Variants in CEBPA observed in about 807,000 individuals in gnomAD.
CEBPA encodes CCAAT/enhancer-binding protein alpha.
A neutral mutation model predicts 5.1 loss-of-function variants in CEBPA; 2 were observed. That is an observed-to-expected ratio of 0.39 (90% confidence interval 0.16 to 1.23). CEBPA has a LOEUF of 1.23. Among genes scored for constraint, CEBPA ranks in the 50% most tolerant of loss-of-function variants. The pLI is 0.34. For missense variants in CEBPA, 455 were observed against 537.4 expected (o/e 0.85, Z 1.52); for synonymous variants, 275 against 264.1 (o/e 1.04, Z -0.40).
chr19:33,300,846 C>G lies in CEBPA; in HGVS notation c.*492G>C, dbSNP rs1387154756. On this transcript the variant is annotated 3_prime_UTR_variant, in exon 1 of 1. Coordinates refer to ENST00000498907, the MANE Select transcript of CEBPA (RefSeq NM_004364.5). ...GTTTCCACCCCTTTCTAAGGACAGG[C>G]GTGGAGGAGCGGCTGGGGCTGGCGG... is the stretch of plus-strand genomic sequence containing the variant. The G allele has an allele frequency of 7.9e-6, 2 of 253,866 alleles. No homozygotes were observed. Among genetic ancestry groups the G allele is most frequent in the African/African-American group, 4.4e-5 (2 of 45,878 alleles). The allele number at this position is 253,866 out of a possible 1,614,324, so 15.7% of individuals were successfully genotyped here.
Position 33,300,598 on chromosome 19 carries a change from C to A in CEBPA, c.*740G>T, listed in dbSNP as rs550273098. The A allele has an allele frequency of 3.5e-4, 81 of 233,702 alleles. No homozygotes were observed. Among genetic ancestry groups the A allele is most frequent in the African/African-American group, 1.7e-3 (76 of 45,470 alleles). 14.5% of individuals were successfully genotyped at this position (233,702 alleles called of 1,614,324 possible). On this transcript the variant is annotated 3_prime_UTR_variant, in exon 1 of 1. Transcript: ENST00000498907. ...CCACCAGGGGTATACATCCTCAGAG[C>A]TGACCCACGACCTAGCTTTCTGGTG...
At position 33,302,435 on chromosome 19, in the gene CEBPA, G is replaced by A. The variant is rs1471099163; in HGVS notation, c.-21C>T. 1.6e-6 allele frequency: 2 copies of A among 1,249,024 alleles called. No homozygotes were observed. Among genetic ancestry groups the A allele is most frequent in the Non-Finnish European group, 2.0e-6 (2 of 993,596 alleles). The allele number at this position is 1,249,024 out of a possible 1,614,324, so 77.4% of individuals were successfully genotyped here. A position where few individuals can be genotyped will look rare whatever the true frequency, so the allele number is the denominator to read the frequency against. ...TCCATGGGGGAGTTAGAGTTCTCCC[G>A]GCATGGCGAGCCTCGGCGGCCTCCA... On this transcript the variant is annotated 5_prime_UTR_variant, in exon 1 of 1. Coordinates refer to ENST00000498907, the MANE Select transcript of CEBPA (RefSeq NM_004364.5).
chr19:33,301,203 C>T lies in CEBPA; in HGVS notation c.*135G>A. On this transcript the variant is annotated 3_prime_UTR_variant, in exon 1 of 1. Transcript: ENST00000498907. This position sits in a 1 kb window ranked among gnomAD's most constrained non-coding sequence, Gnocchi z 6.0. ...AAGGGAGGGGACACGCGGAGCAGGCCAGGCTTTCAGGAGGCACCGGAATCT... is the reference window on the plus strand; with the variant it reads ...AAGGGAGGGGACACGCGGAGCAGGCTAGGCTTTCAGGAGGCACCGGAATCT... The T allele has an allele frequency of 2.2e-6, 3 of 1,392,416 alleles. No homozygotes were observed. The highest frequency in any genetic ancestry group is 2.8e-6 in the Non-Finnish European group (3 of 1,055,566). The allele number at this position is 1,392,416 out of a possible 1,614,324, so 86.3% of individuals were successfully genotyped here.
Position 33,302,256 on chromosome 19 carries a change from G to T in CEBPA, c.159C>A (p.Gly53=). The change falls in exon 1 of 1, where the codon GGC becomes GGA. Residue 53 remains glycine (G), a synonymous_variant. Transcript: ENST00000498907. ...PAPPAAPEPL[G]GICEHETSID... Reference sequence around the variant, plus strand: ...TGGACGTCTCGTGCTCGCAGATGCCGCCCAGCGGCTCCGGGGCGGCAGGTG... The same window carrying T: ...TGGACGTCTCGTGCTCGCAGATGCCTCCCAGCGGCTCCGGGGCGGCAGGTG... 3 of 1,487,446 alleles carry T rather than the reference G, an allele frequency of 2.0e-6. 1 individual carries two copies. The allele number at this position is 1,487,446 out of a possible 1,614,324, so 92.1% of individuals were successfully genotyped here.
Position 33,302,268 on chromosome 19 carries a change from CGGGGCGGCAGGT to C in CEBPA, c.135_146del (p.Pro46_Pro49del). On this transcript the variant is annotated inframe_deletion, in exon 1 of 1. Coordinates refer to ENST00000498907, the MANE Select transcript of CEBPA (RefSeq NM_004364.5). The stretch of plus-strand genomic sequence containing the variant: ...GCTCGCAGATGCCGCCCAGCGGCTC[CGGGGCGGCAGGT>C]GGGGCGGGAGGCTGCGCGGGGCCCG... 2.0e-6 allele frequency: 3 copies of C among 1,484,320 alleles called. 1 individual carries two copies. In the South Asian group the frequency reaches 3.9e-5, roughly 19 times the overall value. The allele number at this position is 1,484,320 out of a possible 1,614,324, so 91.9% of individuals were successfully genotyped here. A position where few individuals can be genotyped will look rare whatever the true frequency, so the allele number is the denominator to read the frequency against.
rs2145260264 is a variant in CEBPA, at chr19:33,301,651, C to T, written c.764G>A (p.Gly255Glu). 1 of 1,505,292 alleles carries T rather than the reference C, an allele frequency of 6.6e-7. No individual in the cohort carries two copies. Among genetic ancestry groups the T allele is most frequent in the East Asian group, 2.7e-5 (1 of 37,486 alleles). The allele number at this position is 1,505,292 out of a possible 1,614,324, so 93.2% of individuals were successfully genotyped here. A position where few individuals can be genotyped will look rare whatever the true frequency, so the allele number is the denominator to read the frequency against. Reference sequence around the variant, plus strand: ...GAGGTCGGGGTGCGCGGCGCCCAGCCCCTTGAGCGCGCTGCCAGGGCCCGG... The same window carrying T: ...GAGGTCGGGGTGCGCGGCGCCCAGCTCCTTGAGCGCGCTGCCAGGGCCCGG... Reference protein sequence around the residue: ...GLPGPGSALKGLGAAHPDLRA... With the variant: ...GLPGPGSALKELGAAHPDLRA... Residue 255 changes from glycine to glutamate, a missense_variant, in exon 1 of 1, where the codon GGG becomes GAG. Gly to Glu is a moderately conservative substitution (Grantham distance 98, BLOSUM62 -2). This residue lies in a region of CEBPA where 118 missense variants were observed against 189.3 expected (regional missense o/e 0.62). Coordinates refer to ENST00000498907, the MANE Select transcript of CEBPA (RefSeq NM_004364.5). This position sits in a 1 kb window ranked among gnomAD's most constrained non-coding sequence, Gnocchi z 6.0.
At position 33,302,090 on chromosome 19, in the gene CEBPA, G is replaced by A. The variant is rs1027991203; in HGVS notation, c.325C>T (p.Pro109Ser). Reference protein sequence around the residue: ...GGGGGGDFDYPGAPAGPGGAV... With the variant: ...GGGGGGDFDYSGAPAGPGGAV... ...CCGCCGGGGCCCGCGGGCGCGCCCG[G>A]GTAGTCAAAGTCGCCGCCGCCGCCG... is the stretch of plus-strand genomic sequence containing the variant. The change falls in exon 1 of 1, where the codon CCG becomes TCG. Residue 109 changes from proline (P) to serine (S), a missense_variant. Pro to Ser is a moderately conservative substitution (Grantham distance 74). Around this residue, in one of 5 missense-constraint regions of CEBPA, gnomAD observed 15 missense variants for 39.7 expected, o/e 0.38. Coordinates refer to ENST00000498907, the MANE Select transcript of CEBPA (RefSeq NM_004364.5). 5 of 1,310,094 alleles carry A rather than the reference G, an allele frequency of 3.8e-6. No individual in the cohort carries two copies. Among genetic ancestry groups the A allele is most frequent in the East Asian group, 3.2e-5 (1 of 30,836 alleles). 81.2% of individuals were successfully genotyped at this position (1,310,094 alleles called of 1,614,324 possible). A position where few individuals can be genotyped will look rare whatever the true frequency, so the allele number is the denominator to read the frequency against.
rs917977456 is a variant in CEBPA, at chr19:33,302,169, G to T, written c.246C>A (p.Phe82Leu). 3 of 1,477,106 alleles carry T rather than the reference G, an allele frequency of 2.0e-6. No homozygotes were observed. Among genetic ancestry groups the T allele is most frequent in the African/African-American group, 2.9e-5 (2 of 68,296 alleles). The allele number at this position is 1,477,106 out of a possible 1,614,324, so 91.5% of individuals were successfully genotyped here. ...CCTTCTCCTGCTGCCGGCTGTGCTG[G>T]AACAGGTCGGCCAGGAACTCGTCGT... ...AFNDEFLADL[F>L]QHSRQQEKAK... Residue 82 changes from phenylalanine (F) to leucine (L), a missense_variant, in exon 1 of 1, where the codon TTC becomes TTA. Around this residue, in one of 5 missense-constraint regions of CEBPA, gnomAD observed 143 missense variants for 153.9 expected, o/e 0.93. Transcript: ENST00000498907.
chr19:33,301,345 C>A lies in CEBPA; in HGVS notation c.1070G>T (p.Cys357Phe). 1 of 1,597,256 alleles carries A rather than the reference C, an allele frequency of 6.3e-7. No homozygotes were observed. Among genetic ancestry groups the A allele is most frequent in the East Asian group, 2.3e-5 (1 of 44,434 alleles). ...ESSLVKAMGN[C>F]A ...GTCCCACAGCCGCGCGCCTCACGCGCAGTTGCCCATGGCCTTGACCAAGGA... is the reference window on the plus strand; with the variant it reads ...GTCCCACAGCCGCGCGCCTCACGCGAAGTTGCCCATGGCCTTGACCAAGGA... Residue 357 changes from cysteine (C) to phenylalanine (F), a missense_variant, in exon 1 of 1, where the codon TGC becomes TTC. Coordinates refer to ENST00000498907, the MANE Select transcript of CEBPA (RefSeq NM_004364.5). This position sits in a 1 kb window ranked among gnomAD's most constrained non-coding sequence, Gnocchi z 6.0.
Position 33,302,310 on chromosome 19 carries a change from C to A in CEBPA, c.105G>T (p.Arg35=). ...APSSAAFGFP[R]GAGPAQPPAP... is the part of the protein sequence containing the mutation. ...CGGGAGGCTGCGCGGGGCCCGCGCC[C>A]CGGGGAAAGCCGAAGGCGGCGCTGC... The change falls in exon 1 of 1, where the codon CGG becomes CGT. Residue 35 remains arginine, a synonymous_variant. Transcript: ENST00000498907. 1 of 1,434,350 alleles carries A rather than the reference C, an allele frequency of 7.0e-7. No homozygotes were observed. Among genetic ancestry groups the A allele is most frequent in the Non-Finnish European group, 9.2e-7 (1 of 1,089,618 alleles). The allele number at this position is 1,434,350 out of a possible 1,614,324, so 88.9% of individuals were successfully genotyped here.
Position 33,302,508 on chromosome 19 carries a change from G to T in CEBPA, c.-94C>A. On this transcript the variant is annotated 5_prime_UTR_variant, in exon 1 of 1. Transcript: ENST00000498907. ...GCCCACCCGGAGACCCTGCTCGCCC[G>T]CGCCCGCGCACCTCCGGGTCGCGAA... The T allele has an allele frequency of 1.2e-6, 1 of 801,560 alleles. No individual in the cohort carries two copies. The highest frequency in any genetic ancestry group is 1.7e-6 in the Non-Finnish European group (1 of 598,380). 49.7% of individuals were successfully genotyped at this position (801,560 alleles called of 1,614,324 possible).
rs1248693843 is a variant in CEBPA at position 33,301,686 on chromosome 19, G to T, written c.729C>A (p.Ala243=). ...PSPHPAPALG[A]AGLPGPGSAL... is the part of the protein sequence containing the mutation. ...CGCTGCCAGGGCCCGGCAGGCCGGC[G>T]GCACCGAGCGCGGGCGCGGGGTGCG... Residue 243 remains alanine, a synonymous_variant, in exon 1 of 1, where the codon GCC becomes GCA. Transcript: ENST00000498907. The surrounding 1 kb of genome is among the most constrained non-coding windows in gnomAD (Gnocchi z 6.0). 1.7e-6 allele frequency: 2 copies of T among 1,184,686 alleles called. 1 individual carries two copies. Among genetic ancestry groups the T allele is most frequent in the East Asian group, 7.8e-5 (2 of 25,596 alleles). 73.4% of individuals were successfully genotyped at this position (1,184,686 alleles called of 1,614,324 possible). A position where few individuals can be genotyped will look rare whatever the true frequency, so the allele number is the denominator to read the frequency against.
At position 33,300,427 on chromosome 19, in the gene CEBPA, A is replaced by AT. The variant is rs1225577002; in HGVS notation, c.*910dup. On this transcript the variant is annotated 3_prime_UTR_variant, in exon 1 of 1. Transcript: ENST00000498907. ...AAGCAAAATATTTGGAAAGCTTGTC[A>AT]TAACTCCGGTCCCTCTGGGATGGAC... 1 of 233,686 alleles carries AT rather than the reference A, an allele frequency of 4.3e-6. No individual in the cohort carries two copies. Among genetic ancestry groups the AT allele is most frequent in the African/African-American group, 2.2e-5 (1 of 45,340 alleles). 14.5% of individuals were successfully genotyped at this position (233,686 alleles called of 1,614,324 possible).
In CEBPA at chr19:33,300,743, G is replaced by A. The variant is rs2376497; in HGVS notation, c.*595C>T. The A allele has an allele frequency of 4.3e-6, 1 of 234,194 alleles. No individual in the cohort carries two copies. The highest frequency in any genetic ancestry group is 8.4e-6 in the Non-Finnish European group (1 of 118,594). 14.5% of individuals were successfully genotyped at this position (234,194 alleles called of 1,614,324 possible). ...GGGGTGTGTGCGGAGGGAGGTGGGA[G>A]AGGCGTGGAACTAGAGACCCTCCAC... On this transcript the variant is annotated 3_prime_UTR_variant, in exon 1 of 1. Transcript: ENST00000498907.
rs1412970764 is a variant in CEBPA, at chr19:33,299,985, G to A, written c.*1353C>T. 1 of 233,202 alleles carries A rather than the reference G, an allele frequency of 4.3e-6. No individual in the cohort carries two copies. The highest frequency in any genetic ancestry group is 8.5e-6 in the Non-Finnish European group (1 of 118,022). 14.4% of individuals were successfully genotyped at this position (233,202 alleles called of 1,614,324 possible). A position where few individuals can be genotyped will look rare whatever the true frequency, so the allele number is the denominator to read the frequency against. On this transcript the variant is annotated 3_prime_UTR_variant, in exon 1 of 1. Transcript: ENST00000498907. ...ATATAATACATAAAACATCTAGAGT[G>A]AGACTCTACGTTCTCCCCAAAAGAA...
chr19:33,301,964 C>T lies in CEBPA; in HGVS notation c.451G>A (p.Gly151Arg), dbSNP rs986682061. Reference sequence around the variant, plus strand: ...ACCAGCGGCCGCAGCGCCGGCGCCCCGACGCGCTCGTACAGGGGCTCCAGC... The same window carrying T: ...ACCAGCGGCCGCAGCGCCGGCGCCCTGACGCGCTCGTACAGGGGCTCCAGC... ...GRLEPLYERV[G>R]APALRPLVIK... The change falls in exon 1 of 1, where the codon GGG becomes AGG. Residue 151 changes from glycine (G) to arginine (R), a missense_variant. Coordinates refer to ENST00000498907, the MANE Select transcript of CEBPA (RefSeq NM_004364.5). This position sits in a 1 kb window ranked among gnomAD's most constrained non-coding sequence, Gnocchi z 6.0. 8.0e-7 allele frequency: 1 copy of T among 1,246,252 alleles called. No individual in the cohort carries two copies. The highest frequency in any genetic ancestry group is 3.2e-4 in the Middle Eastern group (1 of 3,160). 77.2% of individuals were successfully genotyped at this position (1,246,252 alleles called of 1,614,324 possible). A position where few individuals can be genotyped will look rare whatever the true frequency, so the allele number is the denominator to read the frequency against.
In CEBPA at chr19:33,302,525, G is replaced by C; in HGVS notation, c.-111C>G. On this transcript the variant is annotated 5_prime_UTR_variant, in exon 1 of 1. Transcript: ENST00000498907. ...GCTCGCCCGCGCCCGCGCACCTCCGGGTCGCGAATGGCCCGGCCCGCGCCG... is the reference window on the plus strand; with the variant it reads ...GCTCGCCCGCGCCCGCGCACCTCCGCGTCGCGAATGGCCCGGCCCGCGCCG... 1 of 594,346 alleles carries C rather than the reference G, an allele frequency of 1.7e-6. No individual in the cohort carries two copies. The highest frequency in any genetic ancestry group is 2.4e-6 in the Non-Finnish European group (1 of 411,554). The allele number at this position is 594,346 out of a possible 1,614,324, so 36.8% of individuals were successfully genotyped here. A position where few individuals can be genotyped will look rare whatever the true frequency, so the allele number is the denominator to read the frequency against.
chr19:33,302,402 C>A lies in CEBPA; in HGVS notation c.13G>T (p.Asp5Tyr). 7.7e-7 allele frequency: 1 copy of A among 1,297,752 alleles called. No homozygotes were observed. Among genetic ancestry groups the A allele is most frequent in the Non-Finnish European group, 9.8e-7 (1 of 1,022,290 alleles). The allele number at this position is 1,297,752 out of a possible 1,614,324, so 80.4% of individuals were successfully genotyped here. The change falls in exon 1 of 1, where the codon GAC becomes TAC. Residue 5 changes from aspartate to tyrosine, a missense_variant. Physicochemically the swap from Asp to Tyr is radical, Grantham distance 160. Around this residue, in one of 5 missense-constraint regions of CEBPA, gnomAD observed 143 missense variants for 153.9 expected, o/e 0.93. Coordinates refer to ENST00000498907, the MANE Select transcript of CEBPA (RefSeq NM_004364.5). Reference protein sequence around the residue: MESADFYEAEPRPPM... With the variant: MESAYFYEAEPRPPM... Reference sequence around the variant, plus strand: ...GGCCGCGGCTCCGCCTCGTAGAAGTCGGCCGACTCCATGGGGGAGTTAGAG... The same window carrying A: ...GGCCGCGGCTCCGCCTCGTAGAAGTAGGCCGACTCCATGGGGGAGTTAGAG...
chr19:33,301,580 C>T lies in CEBPA; in HGVS notation c.835G>A (p.Asp279Asn), dbSNP rs1967166324. Residue 279 changes from aspartate to asparagine, a missense_variant, in exon 1 of 1, where the codon GAC (aspartate) becomes AAC (asparagine). Asp to Asn is a conservative substitution (Grantham distance 23, BLOSUM62 1). Around this residue, in one of 5 missense-constraint regions of CEBPA, gnomAD observed 118 missense variants for 189.3 expected, o/e 0.62. Transcript: ENST00000498907. The surrounding 1 kb of genome is among the most constrained non-coding windows in gnomAD (Gnocchi z 6.0). ...ACCCGGTACTCGTTGCTGTTCTTGT[C>T]CACCGACTTCTTGGCCTTGCCCGCG... ...SGAGKAKKSV[D>N]KNSNEYRVRR... is the part of the protein sequence containing the mutation. 1 of 1,611,402 alleles carries T rather than the reference C, an allele frequency of 6.2e-7. No individual in the cohort carries two copies. Among genetic ancestry groups the T allele is most frequent in the Non-Finnish European group, 8.5e-7 (1 of 1,179,376 alleles).
Sources: gnomAD v4.1 joint callset for allele counts on GRCh38, gnomAD v4.1.1 for gene constraint, gnomAD v4.1.1 regional missense constraint, Gnocchi (gnomAD v3.1) non-coding constraint, MANE v1.5 for transcripts, NCBI Gene and HGNC (gene_info 2026-07-23, HGNC 2026-07-21) for gene names.